GGA3: variants seen among roughly 807,000 people sequenced by gnomAD.
GGA3 encodes golgi associated, gamma adaptin ear containing, ARF binding protein 3.
A neutral mutation model predicts 77.5 loss-of-function variants in GGA3; 57 were observed. The observed-to-expected ratio is 0.74, with a 90% confidence interval of 0.59 to 0.92. GGA3 has a LOEUF of 0.92. Ranked by LOEUF, GGA3 falls within the 40% of genes least tolerant of loss-of-function variation. The probability of loss-of-function intolerance (pLI) is 0.00; values close to 1 mark genes in which losing one functional copy is unlikely to be tolerated. For synonymous variants in GGA3, 416 were observed against 383.7 expected (o/e 1.08, Z -0.98); for missense variants, 970 against 914.9 (o/e 1.06, Z -0.78).
In GGA3 at chr17:75,248,463, C is replaced by T. The variant is rs1243699327; in HGVS notation, c.41-1667G>A. On this transcript the variant is annotated intron_variant, in intron 1 of 16. Transcript: ENST00000537686. ...TCCAGCCTGGGCGACAGCGAGACTC[C>T]GTCTCAAAAAAAAAAAAAAAAAAAA... 2.3e-3 allele frequency among the ~76,000 whole-genome samples: 14 copies of T among 6,200 alleles called. No individual in the cohort carries two copies. The South Asian group carries it at 0.15, about 68-fold the overall frequency. The allele number at this position is 6,200 out of a possible 152,430, so 4.1% of individuals were successfully genotyped here. A position where few individuals can be genotyped will look rare whatever the true frequency, so the allele number is the denominator to read the frequency against.
upstream of GGA3, chr17:75,261,915 A>C (rs755596097): frequency 6.2e-7 from 1 of 1,609,042 alleles, no homozygotes; most frequent in Non-Finnish European, 8.5e-7. Context: ...CTGCCCCCGC[A>C]GTGAAGGTTG....
Position 75,240,034 on chromosome 17 carries a change from C to T in GGA3, c.1338G>A (p.Leu446=). 1.3e-6 allele frequency: 2 copies of T among 1,552,044 alleles called. No individual in the cohort carries two copies. Among genetic ancestry groups the T allele is most frequent in the Non-Finnish European group, 1.7e-6 (2 of 1,148,474 alleles). ...TTGAGGAGGGGGCTGAGGGCTGGAG[C>T]AGAGGAGCATCGGAGGCGCCACAGG... The part of the protein sequence containing the change: ...TAACGASDAP[L]LQPSAPSSSS... Residue 446 remains leucine (L), a synonymous_variant, in exon 13 of 17, where the codon CTG becomes CTA. Coordinates refer to ENST00000537686, the MANE Select transcript of GGA3 (RefSeq NM_138619.4).
At position 75,242,372 on chromosome 17, in the gene GGA3, C is replaced by T. The variant is rs1244342056; in HGVS notation, c.711G>A (p.Gln237=). 1.2e-6 allele frequency: 2 copies of T among 1,614,108 alleles called. No individual in the cohort carries two copies. The highest frequency in any genetic ancestry group is 2.7e-5 in the African/African-American group (2 of 74,946). ...LLSEMLLHYS[Q]EDSSDGDREL... ...CTCTGTCCCCGTCCGAAGAGTCCTC[C>T]TGGCTGTAATGAAGCAGCATCTCAC... The change falls in exon 8 of 17, where the codon CAG becomes CAA. Residue 237 remains glutamine, a synonymous_variant. Transcript: ENST00000537686.
chr17:75,242,721 C>A, intron 7 of GGA3, 110 bp downstream of exon 7: 1 of 1,000,056 alleles, frequency 1.0e-6, no homozygotes. Context: ...ACAGGTAGGG[C>A]AGCTGGCAGC....
In GGA3 at chr17:75,238,917, G is replaced by A; in HGVS notation, c.1947C>T (p.Pro649=). 1 of 1,613,804 alleles carries A rather than the reference G, an allele frequency of 6.2e-7. No homozygotes were observed. Among genetic ancestry groups the A allele is most frequent in the Non-Finnish European group, 8.5e-7 (1 of 1,179,848 alleles). Residue 649 remains proline (P), a synonymous_variant, in exon 15 of 17, where the codon CCC becomes CCT. Coordinates refer to ENST00000537686, the MANE Select transcript of GGA3 (RefSeq NM_138619.4). ...GGCCCCAGGGAGACACTGGTACCTT[G>A]GGCACTGCAGCCTGCAGCACGATGC... ...VKSIVLQAAV[P]KSMKVKLQPP... is the part of the protein sequence containing the mutation.
chr17:75,238,879 A>G (rs552276714), intron 15 of GGA3, 35 bp downstream of exon 15: 1 of 1,610,180 alleles, frequency 6.2e-7, no homozygotes, highest in East Asian at 2.2e-5. Context: ...CAGGGTCAAG[A>G]TAAGGCCGTT....
intron 5 of GGA3, 38 bp downstream of exon 5, chr17:75,243,409 G>C: frequency 6.2e-7 from 1 of 1,612,442 alleles, no homozygotes; most frequent in Non-Finnish European, 8.5e-7. Context: ...GCCAGCCTTC[G>C]AGGGCTGCCT....
Position 75,243,421 on chromosome 17 carries a change from G to C in GGA3, c.424+26C>G, listed in dbSNP as rs757522744. 36 of 1,613,442 alleles carry C rather than the reference G, an allele frequency of 2.2e-5. No individual in the cohort carries two copies. The South Asian group carries it at 3.8e-4, about 17-fold the overall frequency. On this transcript the variant is annotated intron_variant, in intron 5 of 16. Transcript: ENST00000537686. The stretch of plus-strand genomic sequence containing the variant: ...TGGGCCAGCCTTCGAGGGCTGCCTG[G>C]AGGCTGCGGGCAGGCAGACACGTAC...
At chr17:75,257,084 G>A (rs1432301989) in intron 1 of GGA3, among the ~76,000 whole-genome samples, 1 of 151,886 alleles carries the variant, frequency 6.6e-6, no homozygotes, top group Non-Finnish European at 1.5e-5. Flanking sequence ...CGGACTAAAG[G>A]TCTTTTAAAA....
chr17:75,260,822 G>C (rs9302988), intron 1 of GGA3, among the ~76,000 whole-genome samples: 17,286 of 151,730 alleles, frequency 0.11, 2,795 homozygotes, highest in African/African-American at 0.35. Context: ...ACAGCAATAC[G>C]CTTCTATAAC....
chr17:75,241,932 C>A (rs1939363840), intron 8 of GGA3: 2 of 579,004 alleles, frequency 3.5e-6, no homozygotes, highest in Non-Finnish European at 3.1e-6. Flanking sequence ...AGTCAGTCCC[C>A]TCCTGCCTTC....
rs1375663857 is a variant in GGA3, at chr17:75,240,025, G to C, written c.1347C>G (p.Pro449=). The C allele has an allele frequency of 6.4e-7, 1 of 1,552,136 alleles. No homozygotes were observed. Among genetic ancestry groups the C allele is most frequent in the East Asian group, 2.4e-5 (1 of 41,204 alleles). The change falls in exon 13 of 17, where the codon CCC becomes CCG. Residue 449 remains proline, a synonymous_variant. Coordinates refer to ENST00000537686, the MANE Select transcript of GGA3 (RefSeq NM_138619.4). ...GGGAGCTGCTTGAGGAGGGGGCTGA[G>C]GGCTGGAGCAGAGGAGCATCGGAGG... ...CGASDAPLLQ[P]SAPSSSSSQA...
chr17:75,257,289 C>CA (rs1196352390), intron 1 of GGA3, among the ~76,000 whole-genome samples: 1 of 13,716 alleles, frequency 7.3e-5, no homozygotes, highest in Non-Finnish European at 1.7e-3. Context: ...CCCCCCCCCC[C>CA]AAAAAAAACC....
chr17:75,239,133 A>G (rs528375956), intron 14 of GGA3, 50 bp from the exon 15 acceptor site: 1 of 1,548,394 alleles, frequency 6.5e-7, no homozygotes, highest in Non-Finnish European at 8.8e-7. Flanking sequence ...GAGACACCCA[A>G]CAGAGCCCCG....
intron 8 of GGA3, 84 bp from the exon 9 acceptor site, chr17:75,241,780 G>A (rs970781989): frequency 6.6e-6 from 8 of 1,218,194 alleles, no homozygotes; most frequent in South Asian, 1.2e-5. Flanking sequence ...CCCAGAAAAT[G>A]ACCGGGATAT....
chr17:75,237,582 T>G lies in GGA3; in HGVS notation c.*697A>C. 6.5e-7 allele frequency: 1 copy of G among 1,535,348 alleles called. No homozygotes were observed. Among genetic ancestry groups the G allele is most frequent in the Middle Eastern group, 1.7e-4 (1 of 5,986 alleles). Reference sequence around the variant, plus strand: ...TCTTCATTTTCCTTCCTATCCCTAGTTGGGCCTGTCATGAGGCCAAATTCC... The same window carrying G: ...TCTTCATTTTCCTTCCTATCCCTAGGTGGGCCTGTCATGAGGCCAAATTCC... On this transcript the variant is annotated 3_prime_UTR_variant, in exon 17 of 17. Transcript: ENST00000537686.
intron 1 of GGA3, among the ~76,000 whole-genome samples, chr17:75,252,929 T>C (rs184761622): frequency 3.9e-5 from 6 of 152,212 alleles, no homozygotes; most frequent in Non-Finnish European, 7.3e-5. Context: ...GAACTAATGA[T>C]AATCCACCAC....
intron 14 of GGA3, 79 bp from the exon 15 acceptor site, chr17:75,239,162 C>T: frequency 8.9e-6 from 12 of 1,354,840 alleles, no homozygotes; most frequent in Non-Finnish European, 1.2e-5. Context: ...GAGAAAAGGG[C>T]TACTCCGTGG....
Position 75,242,900 on chromosome 17 carries a change from C to T in GGA3, c.540G>A (p.Lys180=), listed in dbSNP as rs2076614774. ...CATCTGGGTTTTTGCTTTTCAGCAG[C>T]TTGGCTAAAAGCTGAGAGAGGAGGA... is the stretch of plus-strand genomic sequence containing the variant. The part of the protein sequence containing the change: ...DDEEKSKLLA[K]LLKSKNPDDL... The change falls in exon 7 of 17, where the codon AAG becomes AAA. Residue 180 remains lysine, a synonymous_variant. Coordinates refer to ENST00000537686, the MANE Select transcript of GGA3 (RefSeq NM_138619.4). The T allele has an allele frequency of 1.2e-6, 2 of 1,613,454 alleles. No homozygotes were observed.
Sources: allele counts gnomAD v4.1 joint callset (sites outside exome capture counted in the v4.1 genomes callset), GRCh38; gene constraint gnomAD v4.1.1; transcripts MANE v1.5; gene names NCBI Gene and HGNC (gene_info 2026-07-23, HGNC 2026-07-21).